The following RIMS1 variants were observed in gnomAD, a reference collection of about 807,000 sequenced individuals.
RIMS1 encodes regulating synaptic membrane exocytosis protein 1.
RIMS1 carries 83 observed loss-of-function variants against 214.1 expected under a neutral mutation model. That is an observed-to-expected ratio of 0.39 (90% CI 0.32 to 0.47). The LOEUF (loss-of-function observed/expected upper bound fraction) is 0.47, where lower values mean the gene tolerates loss of function less well. Ranked by LOEUF, RIMS1 falls within the 20% of genes least tolerant of loss-of-function variation. RIMS1 has a pLI of 0.99. For synonymous variants in RIMS1, 793 were observed against 786.8 expected (o/e 1.01, Z -0.13); for missense variants, 2,050 against 2,161.8 (o/e 0.95, Z 1.03).
chr6:72,246,942 C>A (rs909679215), intron 11 of RIMS1, among the ~76,000 whole-genome samples: 1 of 151,968 alleles, frequency 6.6e-6, no homozygotes, highest in African/African-American at 2.4e-5. Flanking sequence ...TAAATGTTTT[C>A]GGAGGGCACA....
intron 1 of RIMS1, among the ~76,000 whole-genome samples, chr6:71,945,741 A>G (rs1787604102): frequency 7.5e-6 from 1 of 132,518 alleles, no homozygotes; most frequent in Admixed American, 8.9e-5. Context: ...TTGTTTGCAG[A>G]TGATGTAATC....
At position 72,183,061 on chromosome 6, in the gene RIMS1, G is replaced by A. The variant is rs568368656; in HGVS notation, c.1590G>A (p.Val530=). The change falls in exon 6 of 34, where the codon GTG becomes GTA. Residue 530 remains valine, a synonymous_variant. Transcript: ENST00000521978. The part of the protein sequence containing the change: ...KRGGKKRQMS[V]SSSEEEGVST... ...GCGGCAAGAAGCGGCAGATGTCGGT[G>A]AGCAGCTCTGAGGAGGAGGGCGTGT... is the stretch of plus-strand genomic sequence containing the variant. 22 of 1,595,364 alleles carry A rather than the reference G, an allele frequency of 1.4e-5. No homozygotes were observed. In the African/African-American group the frequency reaches 2.1e-4, roughly 16 times the overall value.
intron 1 of RIMS1, among the ~76,000 whole-genome samples, chr6:71,954,277 A>G (rs989658631): frequency 1.5e-4 from 23 of 152,230 alleles, no homozygotes; most frequent in Non-Finnish European, 2.6e-4. Context: ...AAATCTTAGT[A>G]TAATCTTAAG....
chr6:71,984,205 G>T (rs1181994254), intron 2 of RIMS1, among the ~76,000 whole-genome samples: 1 of 152,034 alleles, frequency 6.6e-6, no homozygotes, highest in Non-Finnish European at 1.5e-5. Context: ...AATGCAAAAA[G>T]GCTTAAAAAA....
intron 2 of RIMS1, among the ~76,000 whole-genome samples, chr6:71,999,908 TGAA>T (rs1229759248): frequency 2.0e-5 from 3 of 152,170 alleles, no homozygotes; most frequent in Non-Finnish European, 4.4e-5. Flanking sequence ...TGTACTGTTC[TGAA>T]GAAGGATAGT....
rs1160940049 is a variant in RIMS1, at chr6:72,392,746, T to C, written c.4554T>C (p.Asp1518=). The change falls in exon 31 of 34, where the codon GAT becomes GAC. Residue 1518 remains aspartate, a synonymous_variant. Coordinates refer to ENST00000521978, the MANE Select transcript of RIMS1 (RefSeq NM_014989.7). ...VRLGADSQFS[D]FLDGLGPAQL... ...TGGGAGCTGACAGTCAATTCAGTGA[T>C]TTTCTTGATGGATTGGGACCAGCCC... The C allele has an allele frequency of 6.2e-7, 1 of 1,613,738 alleles. No individual in the cohort carries two copies. The highest frequency in any genetic ancestry group is 2.2e-5 in the East Asian group (1 of 44,872).
intron 4 of RIMS1, among the ~76,000 whole-genome samples, chr6:72,159,455 G>A (rs1169216061): frequency 4.3e-5 from 6 of 140,864 alleles, no homozygotes; most frequent in African/African-American, 1.5e-4. Flanking sequence ...TAGACATGAA[G>A]TCCTTGCCCA....
At chr6:71,958,452 C>T (rs1404012702) in intron 1 of RIMS1, among the ~76,000 whole-genome samples, 8 of 152,004 alleles carry the variant, frequency 5.3e-5, no homozygotes, top group Admixed American at 5.3e-4. Flanking sequence ...AATGAGAGTA[C>T]TCAGTCTGAA....
chr6:71,957,215 A>C (rs1791549579), intron 1 of RIMS1, among the ~76,000 whole-genome samples: 1 of 152,154 alleles, frequency 6.6e-6, no homozygotes, highest in African/African-American at 2.4e-5. Flanking sequence ...GGACTGGTGA[A>C]AAACAGAAGT....
chr6:72,219,775 G>C (rs956413045), intron 6 of RIMS1, among the ~76,000 whole-genome samples: 3 of 151,166 alleles, frequency 2.0e-5, no homozygotes, highest in Non-Finnish European at 4.4e-5. Context: ...CTTCTGAGTA[G>C]GTTCAAATTG....
chr6:72,130,976 G>A (rs2040344579), intron 4 of RIMS1, among the ~76,000 whole-genome samples: 1 of 152,156 alleles, frequency 6.6e-6, no homozygotes, highest in African/African-American at 2.4e-5. Context: ...TTCAGAAAGT[G>A]CAAAGTTAAA....
intron 19 of RIMS1, chr6:72,263,864 G>A: frequency 2.5e-6 from 1 of 400,174 alleles, no homozygotes; most frequent in Non-Finnish European, 3.4e-6. Flanking sequence ...ATGGTGGCAG[G>A]TGCTTGTAAT....
chr6:72,102,652 A>G (rs932744808), intron 4 of RIMS1, among the ~76,000 whole-genome samples: 1 of 152,008 alleles, frequency 6.6e-6, no homozygotes, highest in African/African-American at 2.4e-5. Flanking sequence ...CTTGAATGGT[A>G]TAGTGCCAAC....
intron 29 of RIMS1, among the ~76,000 whole-genome samples, chr6:72,378,149 G>A (rs1373871091): frequency 2.0e-5 from 3 of 152,154 alleles, no homozygotes; most frequent in Non-Finnish European, 4.4e-5. Context: ...CAGTGTGGGG[G>A]CTTCTTTAGT....
chr6:72,144,606 A>G (rs548827897), intron 4 of RIMS1, among the ~76,000 whole-genome samples: 2 of 151,890 alleles, frequency 1.3e-5, no homozygotes, highest in Non-Finnish European at 2.9e-5. Flanking sequence ...GTTAGCTCCC[A>G]TGGTCTTCTT....
chr6:72,181,781 C>T (rs538441653), intron 5 of RIMS1, among the ~76,000 whole-genome samples: 1 of 152,108 alleles, frequency 6.6e-6, no homozygotes, highest in South Asian at 2.1e-4. Context: ...AATTCTTGAC[C>T]GTATTTTGTA....
chr6:72,107,905 A>G (rs1047157426), intron 4 of RIMS1, among the ~76,000 whole-genome samples: 1 of 152,214 alleles, frequency 6.6e-6, no homozygotes, highest in East Asian at 1.9e-4. Context: ...GATTGATCAC[A>G]AGGCCTAATT....
At chr6:72,343,883 A>ACTT (rs1406223451) in intron 29 of RIMS1, among the ~76,000 whole-genome samples, 2 of 151,566 alleles carry the variant, frequency 1.3e-5, no homozygotes, top group African/African-American at 4.8e-5. Flanking sequence ...TGTATCACTA[A>ACTT]CTTCTCAAGA....
intron 2 of RIMS1, among the ~76,000 whole-genome samples, chr6:72,009,571 C>T (rs1324046550): frequency 6.6e-6 from 1 of 152,014 alleles, no homozygotes; most frequent in Non-Finnish European, 1.5e-5. Flanking sequence ...AATTGATAGA[C>T]CGCTAGCAAG....
Sources: gnomAD v4.1 joint callset for allele counts (sites outside exome capture counted in the v4.1 genomes callset) on GRCh38, gnomAD v4.1.1 for gene constraint, MANE v1.5 for transcripts, NCBI Gene and HGNC (gene_info 2026-07-23, HGNC 2026-07-21) for gene names.